The following ARID1B variants were observed in gnomAD, a reference collection of about 807,000 sequenced individuals.
ARID1B encodes the protein AT-rich interactive domain-containing protein 1B.
In ARID1B, 30 loss-of-function variants were observed where a neutral mutation model predicts 212.3. That is an observed-to-expected ratio of 0.14 (90% CI 0.11 to 0.19). The LOEUF (loss-of-function observed/expected upper bound fraction) is 0.19, where lower values mean the gene tolerates loss of function less well. ARID1B is among the 10% of genes least tolerant of loss of function. The pLI, the probability that ARID1B is intolerant of heterozygous loss-of-function variation, is 1.00. For missense variants in ARID1B, 2,891 were observed against 3,204.0 expected (o/e 0.90, Z 2.36); for synonymous variants, 1,402 against 1,301.7 (o/e 1.08, Z -1.66).
chr6:156,920,808 ATGTATACAGCTG>A lies in ARID1B; in HGVS notation c.2137-14655_2137-14644del, dbSNP rs770236676. ...AGTCGGGCAGGGAAGGCCCTTTGGT[ATGTATACAGCTG>A]TGGTTTTCTTTTCTTTCTCTTTTTC... On this transcript the variant is annotated intron_variant, in intron 3 of 19. Coordinates refer to ENST00000636930, the MANE Select transcript of ARID1B (RefSeq NM_001374828.1). 2.0e-4 allele frequency among the ~76,000 whole-genome samples: 30 copies of A among 151,536 alleles called. No individual in the cohort carries two copies. The Middle Eastern group carries it at 0.01, about 52-fold the overall frequency.
intron 1 of ARID1B, among the ~76,000 whole-genome samples, chr6:156,788,062 C>T (rs1207164680): frequency 6.6e-6 from 1 of 152,086 alleles, no homozygotes; most frequent in Non-Finnish European, 1.5e-5. Context: ...CTGCCTGGTC[C>T]TGCTGTACTT....
chr6:157,053,082 G>T (rs970296416), intron 4 of ARID1B, among the ~76,000 whole-genome samples: 4 of 151,074 alleles, frequency 2.6e-5, no homozygotes, highest in East Asian at 2.0e-4. Context: ...TTATTTTATT[G>T]ATTGATTGAT....
chr6:156,836,743 C>T (rs762114236), intron 2 of ARID1B, among the ~76,000 whole-genome samples: 22 of 152,224 alleles, frequency 1.4e-4, no homozygotes, highest in Non-Finnish European at 3.1e-4. Flanking sequence ...CGGCTCACTG[C>T]AGCCTTGACC....
rs578234911 is a variant in ARID1B, at chr6:156,943,686, A to G, written c.2247+8110A>G. ...GTACGTGTTCATTGCATGTGAGAAT[A>G]TTCTAAAATTACGTATATCATTTTT... On this transcript the variant is annotated intron_variant, in intron 4 of 19. Coordinates refer to ENST00000636930, the MANE Select transcript of ARID1B (RefSeq NM_001374828.1). 3.3e-5 allele frequency: 5 copies of G among 152,230 alleles called. No homozygotes were observed. The East Asian group carries it at 9.7e-4, about 30-fold the overall frequency. 9.4% of individuals were successfully genotyped at this position (152,230 alleles called of 1,614,324 possible).
At position 156,982,632 on chromosome 6, in the gene ARID1B, T is replaced by C. The variant is rs1777674561; in HGVS notation, c.2247+47056T>C. Among the ~76,000 whole-genome samples the C allele has an allele frequency of 2.0e-5, 3 of 152,252 alleles. No individual in the cohort carries two copies. The South Asian group carries it at 6.2e-4, about 32-fold the overall frequency. ...ATTTTTCTTTTCTGTTACTGTTTTC[T>C]GCGTGGGAGATAACCTTGACTCTAT... On this transcript the variant is annotated intron_variant, in intron 4 of 19. Coordinates refer to ENST00000636930, the MANE Select transcript of ARID1B (RefSeq NM_001374828.1).
intron 9 of ARID1B, chr6:157,167,783 G>A (rs1264527431): frequency 6.6e-6 from 1 of 152,414 alleles, no homozygotes; most frequent in Non-Finnish European, 1.5e-5. Context: ...CAGTGGATGA[G>A]TAGCCAATGT....
At chr6:156,932,145 A>AAGGC (rs796243149) in intron 3 of ARID1B, among the ~76,000 whole-genome samples, 1 of 61,350 alleles carries the variant, frequency 1.6e-5, no homozygotes, top group Non-Finnish European at 3.2e-5. Context: ...AAAAAAAAAA[A>AAGGC]GGGGGGGGGC....
chr6:156,840,939 T>C (rs1298196994), intron 2 of ARID1B, among the ~76,000 whole-genome samples: 2 of 152,218 alleles, frequency 1.3e-5, no homozygotes, highest in Non-Finnish European at 2.9e-5. Context: ...GAGTTGGATT[T>C]GGTGTACCTG....
Position 157,184,430 on chromosome 6 carries a change from C to T in ARID1B, c.3914C>T (p.Ser1305Phe), listed in dbSNP as rs1343048193. 1 of 1,613,966 alleles carries T rather than the reference C, an allele frequency of 6.2e-7. No individual in the cohort carries two copies. The highest frequency in any genetic ancestry group is 8.5e-7 in the Non-Finnish European group (1 of 1,180,046). Residue 1305 changes from serine to phenylalanine, a missense_variant, in exon 13 of 20, where the codon TCT becomes TTT. Ser to Phe is a radical substitution (Grantham distance 155). Transcript: ENST00000636930. ...TKKQPKLQPP[S>F]PANSGSLQGP... Reference sequence around the variant, plus strand: ...AAGCAGCCCAAGCTCCAGCCGCCATCTCCTGGTAAGTGGCGGCGCTGCAGT... The same window carrying T: ...AAGCAGCCCAAGCTCCAGCCGCCATTTCCTGGTAAGTGGCGGCGCTGCAGT...
At chr6:157,075,432 G>A (rs766518225) in intron 4 of ARID1B, among the ~76,000 whole-genome samples, 2 of 152,150 alleles carry the variant, frequency 1.3e-5, no homozygotes, top group African/African-American at 2.4e-5. Context: ...TAGGATACTT[G>A]CATAATTTCA....
chr6:156,957,004 C>G (rs1271310351), intron 4 of ARID1B, among the ~76,000 whole-genome samples: 1 of 152,152 alleles, frequency 6.6e-6, no homozygotes, highest in Non-Finnish European at 1.5e-5. Context: ...TTAAGACTCT[C>G]AAATTCTTGG....
At chr6:157,040,736 C>G (rs1049670330) in intron 4 of ARID1B, among the ~76,000 whole-genome samples, 4 of 152,182 alleles carry the variant, frequency 2.6e-5, no homozygotes, top group Non-Finnish European at 4.4e-5. Context: ...TAACTTTTTA[C>G]TCTAGTCAAA....
rs756468465 is a variant in ARID1B at position 156,778,223 on chromosome 6, C to A, written c.543C>A (p.His181Gln). The A allele has an allele frequency of 1.7e-5, 26 of 1,539,780 alleles. No homozygotes were observed. The highest frequency in any genetic ancestry group is 2.3e-5 in the Non-Finnish European group (26 of 1,146,080). ...CCCACCACCACCACCACCATGCCCA[C>A]CACCTCCACCACCACCACGCACTAC... ...HHAHHHHHHAHHLHHHHALQQ... is the reference protein window; with the variant it reads ...HHAHHHHHHAQHLHHHHALQQ... The change falls in exon 1 of 20, where the codon CAC (histidine) becomes CAA (glutamine). Residue 181 changes from histidine to glutamine, a missense_variant. Transcript: ENST00000636930.
chr6:157,076,403 G>C (rs1048801948), intron 4 of ARID1B, among the ~76,000 whole-genome samples: 2 of 151,658 alleles, frequency 1.3e-5, no homozygotes, highest in Non-Finnish European at 2.9e-5. Flanking sequence ...GTGTCCTACA[G>C]CCTTGAACTC....
chr6:157,150,271 T>C (rs1042872162), intron 8 of ARID1B: 1 of 152,176 alleles, frequency 6.6e-6, no homozygotes, highest in African/African-American at 2.4e-5. Context: ...TTTGTGTGGT[T>C]ACAAAGCTAC....
Position 157,184,195 on chromosome 6 carries a change from G to A in ARID1B, c.3715-36G>A, listed in dbSNP as rs1282043390. 1.9e-6 allele frequency: 3 copies of A among 1,560,418 alleles called. No homozygotes were observed. The African/African-American group carries it at 4.1e-5, about 21-fold the overall frequency. ...CTCCTGGCTTTAAACAAGCCACTTT[G>A]TTGCAAACCAATGATCCTGCCGTGT... On this transcript the variant is annotated intron_variant, in intron 12 of 19. Coordinates refer to ENST00000636930, the MANE Select transcript of ARID1B (RefSeq NM_001374828.1).
rs138901507 is a variant in ARID1B, at chr6:156,928,785, C to T, written c.2137-6681C>T. On this transcript the variant is annotated intron_variant, in intron 3 of 19. Transcript: ENST00000636930. ...TAAGGAGTGTGGCTTTGCCTTCACA[C>T]CTGTGGAAGAGAATTTTTCATTTTC... Among the ~76,000 whole-genome samples the T allele has an allele frequency of 1.3e-3, 204 of 152,296 alleles. 2 individuals carry two copies. The highest frequency in any genetic ancestry group is 0.012 in the South Asian group (58 of 4,828).
intron 5 of ARID1B, among the ~76,000 whole-genome samples, chr6:157,088,566 A>G (rs998918070): frequency 6.6e-6 from 1 of 152,238 alleles, no homozygotes; most frequent in Non-Finnish European, 1.5e-5. Context: ...TATTAAATAT[A>G]TTAAGTTATC....
At chr6:157,096,266 A>G (rs1013102927) in intron 5 of ARID1B, among the ~76,000 whole-genome samples, 1 of 152,192 alleles carries the variant, frequency 6.6e-6, no homozygotes. Context: ...TGCCAAGAAC[A>G]GTGCCTGGCA....
Sources: gnomAD v4.1 joint callset for allele counts (sites outside exome capture counted in the v4.1 genomes callset) on GRCh38, gnomAD v4.1.1 for gene constraint, MANE v1.5 for transcripts, NCBI Gene and HGNC (gene_info 2026-07-23, HGNC 2026-07-21) for gene names.